The following SEL1L2 variants were observed in gnomAD, a reference collection of about 807,000 sequenced individuals.
SEL1L2 encodes the protein protein sel-1 homolog 2.
In SEL1L2, 89 loss-of-function variants were observed where a neutral mutation model predicts 98.8. The ratio of observed to expected loss-of-function variants is 0.90; its 90% CI spans 0.76 to 1.07. The LOEUF is 1.07. Among genes scored for constraint, SEL1L2 ranks in the 50% least tolerant of loss-of-function variants. SEL1L2 has a pLI of 0.00. For synonymous variants in SEL1L2, 262 were observed against 278.5 expected, an observed-to-expected ratio of 0.94 and a Z score of 0.59; for missense variants, 788 against 812.0, an observed-to-expected ratio of 0.97 and a Z score of 0.36.
At chr20:13,883,045 C>T (rs992187862) in intron 10 of SEL1L2, among the ~76,000 whole-genome samples, 28 of 152,212 alleles carry the variant, frequency 1.8e-4, no homozygotes, top group African/African-American at 6.3e-4. Context: ...TGGTCTCGAT[C>T]TCCTGACCTC....
chr20:13,924,413 ATTTTCT>A (rs1404735675), intron 3 of SEL1L2, among the ~76,000 whole-genome samples: 6 of 148,488 alleles, frequency 4.0e-5, no homozygotes, highest in Admixed American at 6.7e-5. Flanking sequence ...ATGAATACAC[ATTTTCT>A]TTTTCTTTTT....
At chr20:13,926,680 T>C (rs2048921892) in intron 3 of SEL1L2, among the ~76,000 whole-genome samples, 1 of 152,308 alleles carries the variant, frequency 6.6e-6, no homozygotes, top group South Asian at 2.1e-4. Flanking sequence ...GGGCAAATAG[T>C]TCCTCGTTGA....
intron 4 of SEL1L2, among the ~76,000 whole-genome samples, 197 bp downstream of exon 4, chr20:13,918,824 G>A (rs1343255634): frequency 6.6e-6 from 1 of 152,190 alleles, no homozygotes; most frequent in Non-Finnish European, 1.5e-5. Flanking sequence ...AATCTCACAT[G>A]CAGTTCTCCT....
In SEL1L2 at chr20:13,865,230, T is replaced by C. The variant is rs1315202489; in HGVS notation, c.1582A>G (p.Ile528Val). 6.2e-7 allele frequency: 1 copy of C among 1,613,614 alleles called. No homozygotes were observed. The highest frequency in any genetic ancestry group is 1.3e-5 in the African/African-American group (1 of 75,038). Residue 528 changes from isoleucine (I) to valine (V), a missense_variant, in exon 17 of 20, where the codon ATT (isoleucine) becomes GTT (valine). Transcript: ENST00000284951. ...AFILESKKANILEKEKMYPMA... is the reference protein window; with the variant it reads ...AFILESKKANVLEKEKMYPMA... ...GGATACATCTTCTCTTTTTCAAGAA[T>C]GTTAGCCTTTTCTAAAAAGAGGAGA...
intron 5 of SEL1L2, among the ~76,000 whole-genome samples, chr20:13,904,461 G>A (rs536002708): frequency 6.6e-6 from 1 of 152,206 alleles, no homozygotes; most frequent in East Asian, 1.9e-4. Flanking sequence ...CTGGGAGGTG[G>A]AGGTTGTATT....
chr20:13,871,754 C>A (rs1297471152), intron 12 of SEL1L2, among the ~76,000 whole-genome samples: 1 of 142,282 alleles, frequency 7.0e-6, no homozygotes, highest in African/African-American at 2.5e-5. Context: ...TCAAGTGATC[C>A]ACCCATCTCA....
intron 2 of SEL1L2, among the ~76,000 whole-genome samples, chr20:13,955,590 G>A (rs1404177643): frequency 6.6e-6 from 1 of 152,168 alleles, no homozygotes; most frequent in Non-Finnish European, 1.5e-5. Flanking sequence ...CATTCAGTGT[G>A]AGATGGAAAT....
intron 1 of SEL1L2, among the ~76,000 whole-genome samples, chr20:13,959,995 T>A (rs1244228536): frequency 3.3e-5 from 5 of 152,226 alleles, no homozygotes; most frequent in Non-Finnish European, 7.3e-5. Flanking sequence ...TTATAGTATC[T>A]TTCAAAGAAA....
chr20:13,909,644 C>A (rs1187390651), intron 5 of SEL1L2, among the ~76,000 whole-genome samples: 1 of 152,028 alleles, frequency 6.6e-6, no homozygotes, highest in Non-Finnish European at 1.5e-5. Flanking sequence ...GAGGGTCGGG[C>A]AGAGACTTTT....
At chr20:13,914,998 T>A (rs2048342249) in intron 4 of SEL1L2, 1 of 784,244 alleles carries the variant, frequency 1.3e-6, no homozygotes, top group African/African-American at 1.8e-5. Flanking sequence ...TTTTATAACT[T>A]CGTTTTGAAG....
intron 5 of SEL1L2, among the ~76,000 whole-genome samples, chr20:13,900,750 T>C (rs1026073293): frequency 9.2e-5 from 14 of 152,182 alleles, no homozygotes; most frequent in African/African-American, 3.4e-4. Context: ...GGGCACTGCT[T>C]TGGGGCACTA....
intron 18 of SEL1L2, among the ~76,000 whole-genome samples, chr20:13,852,777 C>T (rs984355547): frequency 1.3e-5 from 2 of 152,160 alleles, no homozygotes; most frequent in African/African-American, 4.8e-5. Context: ...CAGAATTCTT[C>T]TGCAGTAAAA....
chr20:13,855,157 A>T (rs918790926), intron 18 of SEL1L2, among the ~76,000 whole-genome samples: 2 of 152,124 alleles, frequency 1.3e-5, no homozygotes, highest in Non-Finnish European at 2.9e-5. Context: ...ATGGGCATAA[A>T]TATGGGGTAA....
intron 5 of SEL1L2, among the ~76,000 whole-genome samples, chr20:13,896,343 G>A (rs544707419): frequency 2.0e-5 from 3 of 152,182 alleles, no homozygotes; most frequent in Non-Finnish European, 2.9e-5. Context: ...GGTGGGGGGC[G>A]CCTGTAGTCC....
intron 12 of SEL1L2, 87 bp from the exon 13 acceptor site, chr20:13,870,290 T>C (rs1246478328): frequency 2.1e-6 from 2 of 939,138 alleles, no homozygotes; most frequent in Admixed American, 2.0e-5. Flanking sequence ...ATATTTGACA[T>C]GCACCCAGTA....
intron 5 of SEL1L2, among the ~76,000 whole-genome samples, chr20:13,890,280 A>G (rs1407310369): frequency 1.3e-5 from 2 of 152,156 alleles, no homozygotes; most frequent in Non-Finnish European, 2.9e-5. Flanking sequence ...CAGAGCCAGT[A>G]TATTTTCCAT....
At chr20:13,948,608 T>A (rs2050124218) in intron 2 of SEL1L2, among the ~76,000 whole-genome samples, 1 of 152,186 alleles carries the variant, frequency 6.6e-6, no homozygotes, top group South Asian at 2.1e-4. Context: ...TAACTCAAAA[T>A]GTATCAAAGA....
At chr20:13,901,510 A>T (rs2047679703) in intron 5 of SEL1L2, among the ~76,000 whole-genome samples, 1 of 152,124 alleles carries the variant, frequency 6.6e-6, no homozygotes, top group Non-Finnish European at 1.5e-5. Context: ...TTTGCTATTA[A>T]TTAGGAGACT....
At chr20:13,907,762 TTTTC>T (rs1267818609) in intron 5 of SEL1L2, among the ~76,000 whole-genome samples, 12 of 148,956 alleles carry the variant, frequency 8.1e-5, no homozygotes, top group Non-Finnish European at 1.2e-4. Flanking sequence ...TTTTCTTTTC[TTTTC>T]TTTTTTTTTC....
Sources: allele counts gnomAD v4.1 joint callset (sites outside exome capture counted in the v4.1 genomes callset), GRCh38; gene constraint gnomAD v4.1.1; transcripts MANE v1.5; gene names NCBI Gene and HGNC (gene_info 2026-07-23, HGNC 2026-07-21).